Variants in NTRK3 observed in about 807,000 individuals in gnomAD.
The protein encoded by NTRK3 is neurotrophic receptor tyrosine kinase 3, also known as NT-3 growth factor receptor.
NTRK3 carries 24 observed loss-of-function variants against 91.7 expected under a neutral mutation model. The observed-to-expected ratio is 0.26, with a 90% confidence interval of 0.19 to 0.37. The LOEUF (loss-of-function observed/expected upper bound fraction) is 0.37. NTRK3 is among the 10% of genes least tolerant of loss of function. The probability of loss-of-function intolerance (pLI) is 1.00; values close to 1 mark genes in which losing one functional copy is unlikely to be tolerated. For missense variants in NTRK3, 880 were observed against 1,068.9 expected, an observed-to-expected ratio of 0.82 and a Z score of 2.46; for synonymous variants, 483 against 404.0, an observed-to-expected ratio of 1.20 and a Z score of -2.34.
exon 19 of NTRK3, chr15:87,862,434 G>A (rs1441158141): frequency 8.8e-6 from 2 of 227,648 alleles, no homozygotes; most frequent in African/African-American, 2.2e-5. Context: ...TAAGATATAG[G>A]GGAAATTCAG....
chr15:88,050,486 CGTGTGTGTGT>C (rs55943475), intron 13 of NTRK3, among the ~76,000 whole-genome samples: 17 of 144,262 alleles, frequency 1.2e-4, no homozygotes, highest in South Asian at 6.8e-4. Context: ...CAATATATAC[CGTGTGTGTGT>C]GTGTGTGTGT....
exon 19 of NTRK3, chr15:87,872,482 T>G (rs2064847056): frequency 1.3e-5 from 3 of 227,854 alleles, no homozygotes; most frequent in Admixed American, 5.7e-5. Context: ...AGAGTTGATT[T>G]CCAGTGGCCT....
chr15:87,902,759 C>CTAG (rs2066528086), intron 17 of NTRK3, among the ~76,000 whole-genome samples: 1 of 152,136 alleles, frequency 6.6e-6, no homozygotes, highest in East Asian at 1.9e-4. Context: ...ATTCGACTCT[C>CTAG]AAGTTAGTTT....
At chr15:88,239,091 G>A (rs1311485435) in intron 3 of NTRK3, among the ~76,000 whole-genome samples, 1 of 152,174 alleles carries the variant, frequency 6.6e-6, no homozygotes, top group Admixed American at 6.5e-5. Flanking sequence ...TCCAGGAAGT[G>A]GAAAGATAAA....
intron 16 of NTRK3, among the ~76,000 whole-genome samples, chr15:87,930,849 G>A (rs1453802805): frequency 2.0e-5 from 3 of 152,108 alleles, no homozygotes; most frequent in Admixed American, 2.0e-4. Flanking sequence ...AATTGCCCCA[G>A]GAAGACTGTC....
chr15:87,950,968 C>T (rs2071051890), intron 14 of NTRK3, among the ~76,000 whole-genome samples: 1 of 152,176 alleles, frequency 6.6e-6, no homozygotes, highest in African/African-American at 2.4e-5. Flanking sequence ...GTCTTCAGGA[C>T]AGTTTTTAGT....
chr15:88,183,858 C>G (rs2046730927), intron 4 of NTRK3, among the ~76,000 whole-genome samples: 1 of 152,172 alleles, frequency 6.6e-6, no homozygotes, highest in African/African-American at 2.4e-5. Context: ...TACCGACATC[C>G]AAGGGTGGAG....
chr15:87,950,524 G>C (rs532020599), intron 14 of NTRK3, among the ~76,000 whole-genome samples: 2 of 152,202 alleles, frequency 1.3e-5, no homozygotes, highest in South Asian at 4.1e-4. Flanking sequence ...ATCAGAGTAA[G>C]GGGACTGAGA....
At chr15:88,059,379 C>T (rs1332817584) in intron 13 of NTRK3, among the ~76,000 whole-genome samples, 1 of 152,160 alleles carries the variant, frequency 6.6e-6, no homozygotes, top group East Asian at 1.9e-4. Flanking sequence ...ACTTGGTAAG[C>T]AGTACACACA....
intron 17 of NTRK3, among the ~76,000 whole-genome samples, chr15:87,913,581 G>T (rs2141766498): frequency 6.6e-6 from 1 of 152,172 alleles, no homozygotes; most frequent in African/African-American, 2.4e-5. Flanking sequence ...ATCAGAACAG[G>T]CACTTGAAAT....
intron 13 of NTRK3, among the ~76,000 whole-genome samples, chr15:88,124,965 C>T (rs76944530): frequency 1.3e-3 from 198 of 152,264 alleles, no homozygotes; most frequent in Admixed American, 2.8e-3. Flanking sequence ...AACAGGGCAC[C>T]CTGTACCCAT....
chr15:88,217,599 G>A (rs547259646), intron 3 of NTRK3, among the ~76,000 whole-genome samples: 2 of 152,266 alleles, frequency 1.3e-5, no homozygotes, highest in South Asian at 4.2e-4. Flanking sequence ...GGGGGAATGG[G>A]GAAATGAGGA....
At chr15:87,894,421 G>C (rs1211760238) in intron 17 of NTRK3, among the ~76,000 whole-genome samples, 1 of 152,190 alleles carries the variant, frequency 6.6e-6, no homozygotes, top group African/African-American at 2.4e-5. Context: ...TGGTTTAGAT[G>C]GACATGTGTG....
intron 14 of NTRK3, among the ~76,000 whole-genome samples, chr15:87,987,686 T>C (rs1017453866): frequency 1.3e-5 from 2 of 152,156 alleles, no homozygotes; most frequent in African/African-American, 4.8e-5. Flanking sequence ...TCATAGATTT[T>C]TTTTTAAATT....
chr15:88,159,943 TACAC>T (rs59254719), intron 5 of NTRK3, among the ~76,000 whole-genome samples: 20,472 of 111,702 alleles, frequency 0.18, 1,831 homozygotes, highest in Middle Eastern at 0.23. Flanking sequence ...CCCAGCCTCC[TACAC>T]ACACACACAC....
At chr15:88,137,521 G>A (rs1461541348) in exon 7 of NTRK3, 7 of 1,614,130 alleles carry the variant, frequency 4.3e-6, no homozygotes, top group Non-Finnish European at 5.9e-6. Context: ...TGCATCCAGC[G>A]GATGTCACAG....
At chr15:88,043,253 C>T (rs1033117926) in intron 13 of NTRK3, among the ~76,000 whole-genome samples, 3 of 152,162 alleles carry the variant, frequency 2.0e-5, no homozygotes, top group Non-Finnish European at 4.4e-5. Context: ...CAGGCATCAA[C>T]AGGAAGTGAG....
intron 14 of NTRK3, among the ~76,000 whole-genome samples, chr15:87,973,237 C>G (rs961623099): frequency 2.6e-5 from 4 of 152,160 alleles, no homozygotes; most frequent in Non-Finnish European, 4.4e-5. Context: ...CCTTATCACC[C>G]GTGCAGAAAT....
At chr15:88,125,653 CCCTTACCCGAG>C (rs1289484927) in intron 13 of NTRK3, among the ~76,000 whole-genome samples, 1 of 152,142 alleles carries the variant, frequency 6.6e-6, no homozygotes, top group Non-Finnish European at 1.5e-5. Context: ...CATGCCAGTC[CCCTTACCCGAG>C]CCTTGGCAAA....
Sources: allele counts gnomAD v4.1 joint callset (sites outside exome capture counted in the v4.1 genomes callset), GRCh38; gene constraint gnomAD v4.1.1; transcripts MANE v1.5; gene names NCBI Gene and HGNC (gene_info 2026-07-23, HGNC 2026-07-21).